Variants in NUP54 observed in about 807,000 individuals in gnomAD.
The protein encoded by NUP54 is nucleoporin 54, also known as nucleoporin p54.
A neutral mutation model predicts 66.4 loss-of-function variants in NUP54; 27 were observed. That is an observed-to-expected ratio of 0.41 (90% CI 0.30 to 0.56). The LOEUF (loss-of-function observed/expected upper bound fraction) is 0.56. Ranked by LOEUF, NUP54 falls within the 20% of genes least tolerant of loss-of-function variation. The pLI is 0.34. For synonymous variants in NUP54, 206 were observed against 210.7 expected, an observed-to-expected ratio of 0.98 and a Z score of 0.19; for missense variants, 486 against 596.3, an observed-to-expected ratio of 0.82 and a Z score of 1.93.
chr4:76,127,011 T>C (rs1730565364), intron 8 of NUP54, among the ~76,000 whole-genome samples: 1 of 152,044 alleles, frequency 6.6e-6, no homozygotes, highest in Admixed American at 6.6e-5. Flanking sequence ...TGGGTGGGTA[T>C]AAGAACAGAC....
Position 76,131,241 on chromosome 4 carries a change from AGG to A in NUP54, c.949_950del (p.Pro317Ter). 6.3e-7 allele frequency: 1 copy of A among 1,593,308 alleles called. No individual in the cohort carries two copies. Among genetic ancestry groups the A allele is most frequent in the Non-Finnish European group, 8.6e-7 (1 of 1,166,154 alleles). ...GAAGACATACTTACTTTTCAGAATCAGGGTTATCTACCTTGGCCTGTTCCCAG... is the reference window on the plus strand; with the variant it reads ...GAAGACATACTTACTTTTCAGAATCAGTTATCTACCTTGGCCTGTTCCCAG... ...IIWEQAKVDN[P>X]DSEKLIPVPM... On this transcript the variant is annotated frameshift_variant, in exon 7 of 12. Coordinates refer to ENST00000264883, the MANE Select transcript of NUP54 (RefSeq NM_017426.4). LOFTEE classifies it high-confidence loss of function.
chr4:76,119,541 TC>T (rs1272319277), intron 9 of NUP54, among the ~76,000 whole-genome samples: 63 of 115,604 alleles, frequency 5.4e-4, no homozygotes, highest in Non-Finnish European at 7.3e-4. Context: ...TAATTTTTTT[TC>T]TTTTTTTTTT....
chr4:76,117,956 A>G (rs1308422522), intron 10 of NUP54, 119 bp downstream of exon 10: 8 of 1,111,780 alleles, frequency 7.2e-6, no homozygotes, highest in Non-Finnish European at 1.1e-5. Flanking sequence ...TTAGAAAGGA[A>G]GTTCTAATTG....
chr4:76,123,044 C>T (rs1325387854), intron 9 of NUP54, among the ~76,000 whole-genome samples: 1 of 152,160 alleles, frequency 6.6e-6, no homozygotes, highest in East Asian at 1.9e-4. Flanking sequence ...ATAGGACTGA[C>T]AGATTTGCAG....
chr4:76,134,751 T>C (rs1165167963), intron 4 of NUP54, among the ~76,000 whole-genome samples: 1 of 152,098 alleles, frequency 6.6e-6, no homozygotes, highest in Non-Finnish European at 1.5e-5. Flanking sequence ...ACTTATGATT[T>C]TTCCATTTTA....
intron 8 of NUP54, among the ~76,000 whole-genome samples, chr4:76,126,415 T>C (rs1730541031): frequency 6.6e-6 from 1 of 152,228 alleles, no homozygotes; most frequent in Non-Finnish European, 1.5e-5. Context: ...CCTGCACACA[T>C]CACCTTTTAC....
intron 9 of NUP54, among the ~76,000 whole-genome samples, chr4:76,120,799 C>T (rs1360492124): frequency 1.3e-5 from 2 of 152,290 alleles, no homozygotes; most frequent in Non-Finnish European, 2.9e-5. Context: ...CTTTTAATGA[C>T]TAAGAACTAT....
intron 1 of NUP54, chr4:76,147,464 A>T (rs1219443986): frequency 1.6e-6 from 2 of 1,288,224 alleles, no homozygotes; most frequent in Admixed American, 4.6e-5. Context: ...TACACATACA[A>T]CCCGCAGTAT....
rs752456150 is a variant in NUP54, at chr4:76,132,659, T to C, written c.771A>G (p.Pro257=). The change falls in exon 6 of 12, where the codon CCA becomes CCG. Residue 257 remains proline (P), a synonymous_variant. Coordinates refer to ENST00000264883, the MANE Select transcript of NUP54 (RefSeq NM_017426.4). The part of the protein sequence containing the change: ...RSPNGTSRRV[P]ATTLYAHFEQ... ...CAAAATGGGCATATAGCGTTGTAGC[T>C]GGAACTCTTCTTGAAGTACCATTTG... 1.2e-6 allele frequency: 2 copies of C among 1,614,072 alleles called. No homozygotes were observed. The highest frequency in any genetic ancestry group is 2.2e-5 in the South Asian group (2 of 91,048).
chr4:76,133,509 G>A (rs552533433), intron 5 of NUP54, among the ~76,000 whole-genome samples: 16 of 151,934 alleles, frequency 1.1e-4, no homozygotes, highest in African/African-American at 2.4e-4. Flanking sequence ...GGGTTTCACC[G>A]TGTCAGCCAG....
chr4:76,124,609 T>G (rs7697701), intron 9 of NUP54, 40 bp downstream of exon 9: 124,603 of 835,770 alleles, frequency 0.15, 11,114 homozygotes, highest in East Asian at 0.34. Flanking sequence ...TTCACACACA[T>G]AGTCTTATAA....
intron 3 of NUP54, among the ~76,000 whole-genome samples, chr4:76,143,861 T>G (rs1047263665): frequency 6.6e-6 from 1 of 152,182 alleles, no homozygotes; most frequent in Admixed American, 6.5e-5. Flanking sequence ...TGTAAACTTA[T>G]ATATAATTCA....
intron 9 of NUP54, chr4:76,118,573 T>TGGGGCGGCG (rs1359751331): frequency 2.5e-5 from 1 of 39,466 alleles, no homozygotes; most frequent in Non-Finnish European, 4.7e-5. Flanking sequence ...TGTGGCGGGG[T>TGGGGCGGCG]GGGGGGGGGG....
At chr4:76,115,823 T>A (rs1374721906) in intron 11 of NUP54, among the ~76,000 whole-genome samples, 1 of 152,328 alleles carries the variant, frequency 6.6e-6, no homozygotes, top group South Asian at 2.1e-4. Context: ...CAAATATAGA[T>A]GACTAGCAAA....
intron 6 of NUP54, 59 bp from the exon 7 acceptor site, chr4:76,131,343 T>C (rs1182368403): frequency 2.1e-5 from 21 of 1,012,730 alleles, no homozygotes; most frequent in Admixed American, 4.6e-5. Flanking sequence ...AATATGTGTA[T>C]GACAAAGGCT....
chr4:76,123,221 A>C (rs1380969448), intron 9 of NUP54, among the ~76,000 whole-genome samples: 2 of 152,230 alleles, frequency 1.3e-5, no homozygotes, highest in African/African-American at 4.8e-5. Flanking sequence ...AAATTATCTT[A>C]AGCTGTGAAA....
Position 76,114,969 on chromosome 4 carries a change from T to C in NUP54, c.*397A>G, listed in dbSNP as rs1127705. The C allele has an allele frequency of 0.15, 22,872 of 153,416 alleles. 2,529 individuals are homozygous for C. The highest frequency in any genetic ancestry group is 0.3 in the African/African-American group (12,521 of 41,500). The allele number at this position is 153,416 out of a possible 1,614,324, so 9.5% of individuals were successfully genotyped here. ...CAAATCTCCAACAGCCAAGTAATTA[T>C]AGTTTGTTCTGTTATGTGCAAAGTA... On this transcript the variant is annotated 3_prime_UTR_variant, in exon 12 of 12. Coordinates refer to ENST00000264883, the MANE Select transcript of NUP54 (RefSeq NM_017426.4).
chr4:76,119,868 ACTG>A (rs564059304), intron 9 of NUP54, among the ~76,000 whole-genome samples: 139 of 152,120 alleles, frequency 9.1e-4, no homozygotes, highest in African/African-American at 2.9e-3. Context: ...ACATAGACCG[ACTG>A]CTTTTTACTC....
intron 8 of NUP54, among the ~76,000 whole-genome samples, chr4:76,129,089 T>C (rs1730666279): frequency 6.6e-6 from 1 of 152,212 alleles, no homozygotes. Flanking sequence ...TTTCCCATGA[T>C]ACCAACAAAT....
Sources: allele counts gnomAD v4.1 joint callset (sites outside exome capture counted in the v4.1 genomes callset), GRCh38; gene constraint gnomAD v4.1.1; transcripts MANE v1.5; gene names NCBI Gene and HGNC (gene_info 2026-07-23, HGNC 2026-07-21).